The following LDLRAD3 variants were observed in gnomAD, a reference collection of about 807,000 sequenced individuals.
LDLRAD3 encodes the protein low-density lipoprotein receptor class A domain-containing protein 3.
In LDLRAD3, 20 loss-of-function variants were observed where a neutral mutation model predicts 29.4. The ratio of observed to expected loss-of-function variants is 0.68; its 90% CI spans 0.48 to 0.99. LDLRAD3 has a LOEUF of 0.99. Among genes scored for constraint, LDLRAD3 ranks in the 50% least tolerant of loss-of-function variants. LDLRAD3 has a pLI of 0.00. For synonymous variants in LDLRAD3, 157 were observed against 192.7 expected (o/e 0.81, Z 1.53); for missense variants, 420 against 454.3 (o/e 0.92, Z 0.69).
chr11:36,220,453 A>G (rs887813796), intron 4 of LDLRAD3, among the ~76,000 whole-genome samples: 1 of 152,232 alleles, frequency 6.6e-6, no homozygotes, highest in Non-Finnish European at 1.5e-5. Context: ...TGATACATCC[A>G]TGCAACTGAA....
intron 4 of LDLRAD3, among the ~76,000 whole-genome samples, chr11:36,212,713 A>G (rs921167613): frequency 5.3e-5 from 8 of 152,174 alleles, no homozygotes; most frequent in African/African-American, 1.9e-4. Flanking sequence ...CACAGAGATC[A>G]AATTCTGAGG....
At chr11:36,183,430 AC>A (rs1305164496) in intron 4 of LDLRAD3, among the ~76,000 whole-genome samples, 1 of 152,220 alleles carries the variant, frequency 6.6e-6, no homozygotes, top group Non-Finnish European at 1.5e-5. Flanking sequence ...AAACATGTTG[AC>A]CATATTACGT....
In LDLRAD3 at chr11:36,102,939, A is replaced by G. The variant is rs112816012; in HGVS notation, c.454+4478A>G. ...GCCTTGGTATAATCTCATCCCTTCA[A>G]ATGTGATTAGATCTTAGATCCCATT... On this transcript the variant is annotated intron_variant, in intron 4 of 5. Coordinates refer to ENST00000315571, the MANE Select transcript of LDLRAD3 (RefSeq NM_174902.4). 3.4e-3 allele frequency among the ~76,000 whole-genome samples: 520 copies of G among 152,194 alleles called. 1 individual carries two copies. Among genetic ancestry groups the G allele is most frequent in the African/African-American group, 0.012 (478 of 41,528 alleles).
chr11:36,201,604 G>A (rs1387978068), intron 4 of LDLRAD3, among the ~76,000 whole-genome samples: 6 of 152,320 alleles, frequency 3.9e-5, no homozygotes, highest in South Asian at 2.1e-4. Flanking sequence ...ATAATTAGGC[G>A]TGGATTTTTT....
intron 3 of LDLRAD3, among the ~76,000 whole-genome samples, chr11:36,085,289 A>C (rs1853178115): frequency 6.6e-6 from 1 of 150,646 alleles, no homozygotes; most frequent in Non-Finnish European, 1.5e-5. Context: ...AGAAATTTAC[A>C]GTCGTTCAAG....
chr11:36,079,782 T>G (rs1329037003), intron 2 of LDLRAD3, among the ~76,000 whole-genome samples: 1 of 152,132 alleles, frequency 6.6e-6, no homozygotes, highest in East Asian at 1.9e-4. Flanking sequence ...CCAGTGGGTT[T>G]GTGATTAGCC....
intron 4 of LDLRAD3, among the ~76,000 whole-genome samples, chr11:36,118,712 C>T (rs1853710404): frequency 6.6e-6 from 1 of 151,916 alleles, no homozygotes; most frequent in African/African-American, 2.4e-5. Context: ...CATATTAATT[C>T]CCCCATTTAA....
At position 36,109,085 on chromosome 11, in the gene LDLRAD3, T is replaced by C. The variant is rs145185633; in HGVS notation, c.454+10624T>C. ...GGGTGAGCATGTGGCAGATGGAGGA[T>C]TTTGCTAAACTGACTCATAGGGCTT... On this transcript the variant is annotated intron_variant, in intron 4 of 5. Coordinates refer to ENST00000315571, the MANE Select transcript of LDLRAD3 (RefSeq NM_174902.4). Among the ~76,000 whole-genome samples the C allele has an allele frequency of 1.0e-3, 157 of 152,174 alleles. 4 individuals carry two copies. Among genetic ancestry groups the C allele is most frequent in the African/African-American group, 3.6e-3 (149 of 41,514 alleles).
At chr11:36,195,530 T>C (rs1276076561) in intron 4 of LDLRAD3, among the ~76,000 whole-genome samples, 1 of 152,150 alleles carries the variant, frequency 6.6e-6, no homozygotes, top group Non-Finnish European at 1.5e-5. Context: ...TCAAGTAGCT[T>C]TTCATGATTA....
At chr11:35,976,661 C>T (rs1768487079) in intron 1 of LDLRAD3, among the ~76,000 whole-genome samples, 1 of 151,326 alleles carries the variant, frequency 6.6e-6, no homozygotes. Context: ...GTGTTAGTCA[C>T]TTGGGGGTAC....
At chr11:35,977,871 A>G (rs1043771239) in intron 1 of LDLRAD3, among the ~76,000 whole-genome samples, 2 of 152,110 alleles carry the variant, frequency 1.3e-5, no homozygotes, top group African/African-American at 4.8e-5. Flanking sequence ...TGAAGGCCCC[A>G]TCTCTTAACA....
intron 2 of LDLRAD3, among the ~76,000 whole-genome samples, chr11:36,057,133 A>G (rs1332549848): frequency 6.6e-6 from 1 of 152,142 alleles, no homozygotes; most frequent in Non-Finnish European, 1.5e-5. Context: ...TTTCTGGGAT[A>G]TTCTCAATCA....
chr11:36,019,203 G>C (rs1852061107), intron 1 of LDLRAD3, among the ~76,000 whole-genome samples: 1 of 152,180 alleles, frequency 6.6e-6, no homozygotes, highest in Non-Finnish European at 1.5e-5. Context: ...ATGCCAGGCA[G>C]GGGTTGGAGC....
At chr11:36,189,314 C>T (rs993371464) in intron 4 of LDLRAD3, among the ~76,000 whole-genome samples, 2 of 151,974 alleles carry the variant, frequency 1.3e-5, no homozygotes, top group African/African-American at 2.4e-5. Context: ...GGTGAAACCC[C>T]GTCTCTACTA....
intron 4 of LDLRAD3, among the ~76,000 whole-genome samples, chr11:36,130,619 T>C (rs1036529165): frequency 1.3e-5 from 2 of 152,094 alleles, no homozygotes; most frequent in African/African-American, 4.8e-5. Context: ...CCCCTCCAGC[T>C]CCCCTGTTCT....
rs534674711 is a variant in LDLRAD3 at position 36,159,399 on chromosome 11, G to T, written c.454+60938G>T. On this transcript the variant is annotated intron_variant, in intron 4 of 5. Transcript: ENST00000315571. Reference sequence around the variant, plus strand: ...TGGGAGGATCACCTGAGCTCGGGAGGTTGATTCTGCGGTGAGCCGTGAGCA... The same window carrying T: ...TGGGAGGATCACCTGAGCTCGGGAGTTTGATTCTGCGGTGAGCCGTGAGCA... 5.3e-5 allele frequency among the ~76,000 whole-genome samples: 8 copies of T among 151,934 alleles called. No individual in the cohort carries two copies. The East Asian group carries it at 1.6e-3, about 29-fold the overall frequency.
intron 1 of LDLRAD3, among the ~76,000 whole-genome samples, chr11:35,990,254 C>A (rs1185541377): frequency 3.9e-5 from 6 of 152,166 alleles, no homozygotes; most frequent in Admixed American, 2.6e-4. Flanking sequence ...ACACTTTACT[C>A]TCTCACAGTT....
At chr11:36,175,079 C>T (rs533126177) in intron 4 of LDLRAD3, among the ~76,000 whole-genome samples, 13 of 152,304 alleles carry the variant, frequency 8.5e-5, no homozygotes, top group African/African-American at 2.2e-4. Context: ...AACATTTTTA[C>T]GCTGTTGATG....
chr11:36,066,460 G>A (rs955333170), intron 2 of LDLRAD3, among the ~76,000 whole-genome samples: 29 of 152,020 alleles, frequency 1.9e-4, no homozygotes, highest in African/African-American at 6.5e-4. Flanking sequence ...TAGAAGCAGC[G>A]GTTGGGAATA....
Sources: gnomAD v4.1 joint callset for allele counts (sites outside exome capture counted in the v4.1 genomes callset) on GRCh38, gnomAD v4.1.1 for gene constraint, MANE v1.5 for transcripts, NCBI Gene and HGNC (gene_info 2026-07-23, HGNC 2026-07-21) for gene names.